TCF7L1: variants seen among roughly 807,000 people sequenced by gnomAD.
TCF7L1 encodes transcription factor 7 like 1.
Under a neutral mutation model 63.7 loss-of-function variants are expected in TCF7L1, and 18 were observed. That is an observed-to-expected ratio of 0.28 (90% CI 0.20 to 0.42). The LOEUF (loss-of-function observed/expected upper bound fraction) is 0.42. TCF7L1 is among the 10% of genes least tolerant of loss of function. The pLI, the probability that TCF7L1 is intolerant of heterozygous loss-of-function variation, is 1.00. For missense variants in TCF7L1, 654 were observed against 779.3 expected (o/e 0.84, Z 1.91); for synonymous variants, 355 against 340.9 (o/e 1.04, Z -0.46).
At chr2:85,204,663 G>A (rs1046389512) in intron 3 of TCF7L1, among the ~76,000 whole-genome samples, 2 of 152,190 alleles carry the variant, frequency 1.3e-5, no homozygotes, top group African/African-American at 4.8e-5. Context: ...CTGTAGGCAC[G>A]TGCACCACGC....
At chr2:85,285,519 G>A (rs1373008358) in intron 4 of TCF7L1, among the ~76,000 whole-genome samples, 1 of 152,196 alleles carries the variant, frequency 6.6e-6, no homozygotes, top group African/African-American at 2.4e-5. Context: ...AAAGGCAGCA[G>A]GTTCTGCAGC....
At chr2:85,177,233 A>G (rs1323682912) in intron 3 of TCF7L1, among the ~76,000 whole-genome samples, 2 of 152,148 alleles carry the variant, frequency 1.3e-5, no homozygotes, top group East Asian at 3.9e-4. Flanking sequence ...CCCATTCATC[A>G]GGGCTCCACC....
At chr2:85,183,645 G>A (rs1012702304) in intron 3 of TCF7L1, among the ~76,000 whole-genome samples, 1 of 152,142 alleles carries the variant, frequency 6.6e-6, no homozygotes, top group Non-Finnish European at 1.5e-5. Flanking sequence ...ATCATCGGGC[G>A]AGTCAGCAAG....
chr2:85,263,077 C>T (rs1680892301), intron 3 of TCF7L1, among the ~76,000 whole-genome samples: 1 of 152,184 alleles, frequency 6.6e-6, no homozygotes, highest in African/African-American at 2.4e-5. Flanking sequence ...TCACTTGGGC[C>T]AATGACCAAA....
At chr2:85,237,164 A>C (rs1041724149) in intron 3 of TCF7L1, among the ~76,000 whole-genome samples, 1 of 152,180 alleles carries the variant, frequency 6.6e-6, no homozygotes, top group Non-Finnish European at 1.5e-5. Context: ...AATACCTTCA[A>C]GCCTTTTGTT....
At chr2:85,260,385 C>T (rs1385099642) in intron 3 of TCF7L1, among the ~76,000 whole-genome samples, 3 of 151,732 alleles carry the variant, frequency 2.0e-5, no homozygotes, top group Middle Eastern at 3.4e-3. Flanking sequence ...GTCTGTAATC[C>T]CAACATTTTG....
At chr2:85,218,145 A>T (rs1031142467) in intron 3 of TCF7L1, among the ~76,000 whole-genome samples, 1 of 152,096 alleles carries the variant, frequency 6.6e-6, no homozygotes, top group South Asian at 2.1e-4. Context: ...CAGACAATAA[A>T]TGCTCCCTTT....
At position 85,133,565 on chromosome 2, in the gene TCF7L1, T is replaced by G; in HGVS notation, c.-120T>G. On this transcript the variant is annotated 5_prime_UTR_variant, in exon 1 of 12. Transcript: ENST00000282111. This position sits in a 1 kb window ranked among gnomAD's most constrained non-coding sequence, Gnocchi z 4.4. Reference sequence around the variant, plus strand: ...CCCGCGGGGCCACGCCCTGTCAAACTTTGTTGCGGCGGCTAGCGCAGCGGG... The same window carrying G: ...CCCGCGGGGCCACGCCCTGTCAAACGTTGTTGCGGCGGCTAGCGCAGCGGG... 1 of 251,456 alleles carries G rather than the reference T, an allele frequency of 4.0e-6. No individual in the cohort carries two copies. Among genetic ancestry groups the G allele is most frequent in the Non-Finnish European group, 6.2e-6 (1 of 161,082 alleles). The allele number at this position is 251,456 out of a possible 1,614,324, so 15.6% of individuals were successfully genotyped here.
chr2:85,164,117 T>C (rs1025465557), intron 3 of TCF7L1, among the ~76,000 whole-genome samples: 2 of 151,990 alleles, frequency 1.3e-5, no homozygotes, highest in East Asian at 1.9e-4. Flanking sequence ...AGCTGCATAT[T>C]TTTTTTTCTT....
intron 3 of TCF7L1, among the ~76,000 whole-genome samples, chr2:85,271,123 G>T (rs776969062): frequency 6.6e-6 from 1 of 150,464 alleles, no homozygotes; most frequent in Non-Finnish European, 1.5e-5. Flanking sequence ...AATTTCCTTT[G>T]TTTTTTTGAT....
chr2:85,270,917 G>T (rs1323516530), intron 3 of TCF7L1, among the ~76,000 whole-genome samples: 1 of 151,796 alleles, frequency 6.6e-6, no homozygotes, highest in Non-Finnish European at 1.5e-5. Flanking sequence ...GGCTGGTCTT[G>T]AACTCCTGGG....
At chr2:85,158,717 T>C (rs993882495) in intron 3 of TCF7L1, among the ~76,000 whole-genome samples, 1 of 152,238 alleles carries the variant, frequency 6.6e-6, no homozygotes, top group African/African-American at 2.4e-5. Flanking sequence ...GAAAATGTGA[T>C]TATGCCTCTC....
chr2:85,226,039 T>C (rs1339576242), intron 3 of TCF7L1, among the ~76,000 whole-genome samples: 1 of 152,216 alleles, frequency 6.6e-6, no homozygotes, highest in Non-Finnish European at 1.5e-5. Flanking sequence ...GATAATCACG[T>C]GGTTTTTGTC....
chr2:85,158,133 A>AGGCGG, intron 3 of TCF7L1, among the ~76,000 whole-genome samples: 1 of 152,292 alleles, frequency 6.6e-6, no homozygotes, highest in South Asian at 2.1e-4. Flanking sequence ...AGTGGGCAGA[A>AGGCGG]GGCGGGGCAG....
chr2:85,136,734 C>G lies in TCF7L1; in HGVS notation c.441+2284C>G, dbSNP rs142248023. 4.8e-4 allele frequency among the ~76,000 whole-genome samples: 73 copies of G among 152,272 alleles called. 1 individual carries two copies. Among genetic ancestry groups the G allele is most frequent in the African/African-American group, 1.8e-3 (73 of 41,538 alleles). ...GGATATACTGGGGAAGTGTCCTGCC[C>G]TTAGGTCAGCACAGTTAAACCTAAT... On this transcript the variant is annotated intron_variant, in intron 3 of 11. Coordinates refer to ENST00000282111, the MANE Select transcript of TCF7L1 (RefSeq NM_031283.3).
chr2:85,230,140 A>G (rs1306848569), intron 3 of TCF7L1, among the ~76,000 whole-genome samples: 1 of 152,068 alleles, frequency 6.6e-6, no homozygotes, highest in East Asian at 1.9e-4. Context: ...AGCTTTTTTC[A>G]CTTCATACTT....
At chr2:85,212,821 G>T (rs1324500607) in intron 3 of TCF7L1, among the ~76,000 whole-genome samples, 1 of 152,120 alleles carries the variant, frequency 6.6e-6, no homozygotes, top group Non-Finnish European at 1.5e-5. Flanking sequence ...ACGGTGAGAC[G>T]AACCCGCTGA....
chr2:85,220,628 T>C (rs976430511), intron 3 of TCF7L1, among the ~76,000 whole-genome samples: 1 of 152,188 alleles, frequency 6.6e-6, no homozygotes, highest in Non-Finnish European at 1.5e-5. Context: ...CCTCCCAAAG[T>C]GCTGGGATTA....
chr2:85,162,010 A>G (rs1678297803), intron 3 of TCF7L1, among the ~76,000 whole-genome samples: 1 of 152,034 alleles, frequency 6.6e-6, no homozygotes, highest in Admixed American at 6.6e-5. Context: ...CCCTCAAGAT[A>G]GAGGTTTGGA....
Sources: allele counts gnomAD v4.1 joint callset (sites outside exome capture counted in the v4.1 genomes callset), GRCh38; gene constraint gnomAD v4.1.1; non-coding constraint Gnocchi (gnomAD v3.1); transcripts MANE v1.5; gene names NCBI Gene and HGNC (gene_info 2026-07-23, HGNC 2026-07-21).